Variants in PLSCR5 observed in about 807,000 individuals in gnomAD.
The protein encoded by PLSCR5 is phospholipid scramblase family member 5.
Under a neutral mutation model 33.6 loss-of-function variants are expected in PLSCR5, and 44 were observed. The observed-to-expected ratio is 1.31, with a 90% CI of 1.03 to 1.69. The LOEUF is 1.69. Ranked by LOEUF, PLSCR5 falls within the 40% of genes most tolerant of loss-of-function variation. The pLI, the probability that PLSCR5 is intolerant of heterozygous loss-of-function variation, is 0.00. For missense variants in PLSCR5, 375 were observed against 318.7 expected, an observed-to-expected ratio of 1.18 and a Z score of -1.34; for synonymous variants, 148 against 112.3, an observed-to-expected ratio of 1.32 and a Z score of -2.01.
Position 146,591,794 on chromosome 3 carries a change from C to T in PLSCR5, c.541G>A (p.Ala181Thr), listed in dbSNP as rs2044717977. 6.2e-7 allele frequency: 1 copy of T among 1,612,018 alleles called. No individual in the cohort carries two copies. The change falls in exon 5 of 8, where the codon GCA (alanine) becomes ACA (threonine). Residue 181 changes from alanine to threonine, a missense_variant. Coordinates refer to ENST00000443512, the MANE Select transcript of PLSCR5 (RefSeq NM_001085420.2). ...PFLPKFTIQN[A>T]NKEDILKIVG... ...ATTTTCAAAATATCTTCTTTGTTTG[C>T]ATTTTGGATTGTGAATTTAGGCAGA...
Position 146,589,825 on chromosome 3 carries a change from A to G in PLSCR5, c.616-11T>C. 3 of 1,494,232 alleles carry G rather than the reference A, an allele frequency of 2.0e-6. No individual in the cohort carries two copies. The highest frequency in any genetic ancestry group is 2.7e-6 in the Non-Finnish European group (3 of 1,097,402). 92.6% of individuals were successfully genotyped at this position (1,494,232 alleles called of 1,614,324 possible). ...ATTAATGGTTTTCACCTTTAGAAAG[A>G]AAATAAGGAGTATTAAATTTGACAG... On this transcript the variant is annotated splice_polypyrimidine_tract_variant and intron_variant, in intron 5 of 7. Coordinates refer to ENST00000443512, the MANE Select transcript of PLSCR5 (RefSeq NM_001085420.2).
chr3:146,587,851 C>T (rs1446386626), intron 6 of PLSCR5, among the ~76,000 whole-genome samples: 2 of 150,246 alleles, frequency 1.3e-5, no homozygotes, highest in Non-Finnish European at 2.9e-5. Context: ...AATATACATA[C>T]TTGTATATGT....
intron 7 of PLSCR5, among the ~76,000 whole-genome samples, chr3:146,577,040 G>T (rs2044603133): frequency 6.6e-6 from 1 of 151,932 alleles, no homozygotes; most frequent in South Asian, 2.1e-4. Flanking sequence ...TAGGGATTTT[G>T]ACTTAATTGG....
chr3:146,586,455 TTGGAAAC>T (rs2044666680), intron 6 of PLSCR5, among the ~76,000 whole-genome samples: 1 of 152,220 alleles, frequency 6.6e-6, no homozygotes, highest in Non-Finnish European at 1.5e-5. Context: ...TATAAGTAAC[TTGGAAAC>T]TTTATCTAAA....
chr3:146,586,229 T>C, intron 6 of PLSCR5, 117 bp from the exon 7 acceptor site: 1 of 1,012,578 alleles, frequency 9.9e-7, no homozygotes, highest in African/African-American at 1.7e-5. Flanking sequence ...GGTGTTCCAG[T>C]ATTATGATTT....
At chr3:146,586,986 A>C (rs2107848604) in intron 6 of PLSCR5, among the ~76,000 whole-genome samples, 1 of 152,302 alleles carries the variant, frequency 6.6e-6, no homozygotes, top group South Asian at 2.1e-4. Context: ...AAAAAAAGAG[A>C]AATGAATGGG....
chr3:146,588,718 T>A lies in PLSCR5; in HGVS notation c.777+935A>T, dbSNP rs575864671. ...TGCAAACCGAATAAAGTCTGTAGAT[T>A]AGATAATAGCATTGAATCAGTGTTT... On this transcript the variant is annotated intron_variant, in intron 6 of 7. Transcript: ENST00000443512. 7.2e-5 allele frequency among the ~76,000 whole-genome samples: 11 copies of A among 152,294 alleles called. No individual in the cohort carries two copies. The East Asian group carries it at 2.1e-3, about 29-fold the overall frequency.
At chr3:146,576,934 C>G (rs2044602209) in intron 7 of PLSCR5, among the ~76,000 whole-genome samples, 1 of 151,738 alleles carries the variant, frequency 6.6e-6, no homozygotes, top group Non-Finnish European at 1.5e-5. Context: ...ACTATTTTGT[C>G]AGCATTAGAA....
intron 7 of PLSCR5, 36 bp downstream of exon 7, chr3:146,585,994 A>T: frequency 7.4e-7 from 1 of 1,357,088 alleles, no homozygotes. Flanking sequence ...ACATCTTCAA[A>T]GGGAAAGAGA....
At chr3:146,589,389 T>C (rs548491668) in intron 6 of PLSCR5, among the ~76,000 whole-genome samples, 1 of 152,080 alleles carries the variant, frequency 6.6e-6, no homozygotes, top group East Asian at 1.9e-4. Context: ...AAGGGGAAAC[T>C]AGGTTTTAAA....
chr3:146,604,976 A>C (rs948709877), intron 1 of PLSCR5, among the ~76,000 whole-genome samples: 8 of 152,136 alleles, frequency 5.3e-5, no homozygotes, highest in Non-Finnish European at 1.0e-4. Flanking sequence ...ATTCATGATA[A>C]CTAAAACATC....
intron 6 of PLSCR5, among the ~76,000 whole-genome samples, chr3:146,586,829 A>T (rs983383190): frequency 1.3e-5 from 2 of 152,234 alleles, no homozygotes; most frequent in African/African-American, 2.4e-5. Context: ...AAATAGAAAC[A>T]GCAATTAAAA....
chr3:146,580,550 G>A (rs934506260), intron 7 of PLSCR5, among the ~76,000 whole-genome samples: 2 of 138,178 alleles, frequency 1.4e-5, no homozygotes, highest in African/African-American at 5.5e-5. Context: ...CTGCAATCTC[G>A]GCCTCCCGGG....
intron 7 of PLSCR5, among the ~76,000 whole-genome samples, chr3:146,579,836 A>G (rs2044621946): frequency 2.6e-5 from 4 of 152,208 alleles, no homozygotes; most frequent in African/African-American, 9.6e-5. Context: ...GAGTGGGACA[A>G]TGTGGCCTAG....
intron 7 of PLSCR5, among the ~76,000 whole-genome samples, chr3:146,580,204 C>T (rs2044624262): frequency 6.6e-6 from 1 of 152,084 alleles, no homozygotes; most frequent in East Asian, 1.9e-4. Context: ...TTTCTAATGA[C>T]AAAAATTGGA....
chr3:146,603,577 T>C (rs2044838291), intron 1 of PLSCR5, among the ~76,000 whole-genome samples: 5 of 152,152 alleles, frequency 3.3e-5, no homozygotes, highest in Admixed American at 3.3e-4. Flanking sequence ...TTTGACATAA[T>C]ATTACTTTCC....
chr3:146,604,434 G>A (rs932159892), intron 1 of PLSCR5, among the ~76,000 whole-genome samples: 4 of 151,996 alleles, frequency 2.6e-5, no homozygotes, highest in African/African-American at 4.8e-5. Context: ...TGATCTGTGC[G>A]CTTAAAGCAG....
intron 5 of PLSCR5, 29 bp downstream of exon 5, chr3:146,591,691 G>A: frequency 1.3e-6 from 2 of 1,585,672 alleles, no homozygotes; most frequent in South Asian, 2.3e-5. Flanking sequence ...GGACCTAAAT[G>A]AAAACTTCTT....
At chr3:146,598,822 A>G (rs554747393) in intron 2 of PLSCR5, among the ~76,000 whole-genome samples, 5 of 152,308 alleles carry the variant, frequency 3.3e-5, no homozygotes, top group South Asian at 2.1e-4. Context: ...GCTCTTTTAC[A>G]TATCTCCCTG....
Sources: allele counts gnomAD v4.1 joint callset (sites outside exome capture counted in the v4.1 genomes callset), GRCh38; gene constraint gnomAD v4.1.1; transcripts MANE v1.5; gene names NCBI Gene and HGNC (gene_info 2026-07-23, HGNC 2026-07-21).